The following CNTNAP4 variants were observed in gnomAD, a reference collection of about 807,000 sequenced individuals.
CNTNAP4 encodes the protein contactin associated protein family member 4, also known as contactin-associated protein-like 4.
Under a neutral mutation model 148.4 loss-of-function variants are expected in CNTNAP4, and 98 were observed. The observed-to-expected ratio is 0.66, with a 90% CI of 0.56 to 0.78. The LOEUF (loss-of-function observed/expected upper bound fraction) is 0.78. Among genes scored for constraint, CNTNAP4 ranks in the 30% least tolerant of loss-of-function variants. The pLI, the probability that CNTNAP4 is intolerant of heterozygous loss-of-function variation, is 0.00. For synonymous variants in CNTNAP4, 730 were observed against 565.1 expected, an observed-to-expected ratio of 1.29 and a Z score of -4.14; for missense variants, 1,935 against 1,565.6, an observed-to-expected ratio of 1.24 and a Z score of -3.98.
intron 3 of CNTNAP4, among the ~76,000 whole-genome samples, chr16:76,426,308 G>A (rs955936987): frequency 1.3e-5 from 2 of 152,158 alleles, no homozygotes; most frequent in Non-Finnish European, 2.9e-5. Flanking sequence ...GGGTATTGGT[G>A]TTTCTAATGT....
intron 8 of CNTNAP4, among the ~76,000 whole-genome samples, chr16:76,460,640 G>A (rs1288780389): frequency 6.8e-6 from 1 of 146,526 alleles, no homozygotes; most frequent in Non-Finnish European, 1.5e-5. Flanking sequence ...GCAAGCGCCT[G>A]TAGTCCCAGC....
At chr16:76,341,921 C>G (rs747582911) in intron 2 of CNTNAP4, among the ~76,000 whole-genome samples, 1 of 152,276 alleles carries the variant, frequency 6.6e-6, no homozygotes, top group East Asian at 1.9e-4. Context: ...CATGTCCTAT[C>G]GAGTCACAGA....
chr16:76,423,315 C>T (rs1219824855), intron 3 of CNTNAP4, among the ~76,000 whole-genome samples: 5 of 151,804 alleles, frequency 3.3e-5, no homozygotes, highest in Admixed American at 2.6e-4. Context: ...AAGAGTGAAA[C>T]AAAGATCCAA....
chr16:76,316,053 G>T, intron 1 of CNTNAP4: 1 of 338,076 alleles, frequency 3.0e-6, no homozygotes, highest in Non-Finnish European at 5.2e-6. Context: ...TCTCCATTTT[G>T]TGATTTTTCT....
intron 2 of CNTNAP4, among the ~76,000 whole-genome samples, chr16:76,341,687 G>T (rs995144004): frequency 2.0e-5 from 3 of 152,100 alleles, no homozygotes; most frequent in African/African-American, 7.2e-5. Context: ...TTGGGATATG[G>T]CTTTCAAAGG....
In CNTNAP4 at chr16:76,341,268, A is replaced by G. The variant is rs144257326; in HGVS notation, c.197-14050A>G. Among the ~76,000 whole-genome samples the G allele has an allele frequency of 1.1e-4, 16 of 152,292 alleles. No homozygotes were observed. The East Asian group carries it at 3.1e-3, about 29-fold the overall frequency. On this transcript the variant is annotated intron_variant, in intron 2 of 23. Coordinates refer to ENST00000611870, the MANE Select transcript of CNTNAP4 (RefSeq NM_033401.5). Reference sequence around the variant, plus strand: ...AAACCTGTCCTTCCACCTAGCACAAATGCATTTTTCTCAGACAAATACAAT... The same window carrying G: ...AAACCTGTCCTTCCACCTAGCACAAGTGCATTTTTCTCAGACAAATACAAT...
At chr16:76,341,919 A>G (rs1188696003) in intron 2 of CNTNAP4, among the ~76,000 whole-genome samples, 4 of 152,192 alleles carry the variant, frequency 2.6e-5, no homozygotes, top group South Asian at 2.1e-4. Context: ...GCCATGTCCT[A>G]TCGAGTCACA....
chr16:76,472,478 A>G (rs866380610), intron 10 of CNTNAP4, among the ~76,000 whole-genome samples: 1 of 151,990 alleles, frequency 6.6e-6, no homozygotes, highest in Non-Finnish European at 1.5e-5. Context: ...TCTTTTTAAA[A>G]CATGGTTTGA....
chr16:76,349,545 C>T (rs890178301), intron 2 of CNTNAP4, among the ~76,000 whole-genome samples: 1 of 152,072 alleles, frequency 6.6e-6, no homozygotes, highest in Non-Finnish European at 1.5e-5. Flanking sequence ...ATATTGGTAC[C>T]ACGTTCTTTC....
chr16:76,383,969 C>G (rs933336293), intron 3 of CNTNAP4, among the ~76,000 whole-genome samples: 3 of 152,060 alleles, frequency 2.0e-5, no homozygotes, highest in African/African-American at 7.2e-5. Flanking sequence ...GTTTTCTCCT[C>G]TTTAAATTTT....
At chr16:76,402,459 G>T (rs969451181) in intron 3 of CNTNAP4, among the ~76,000 whole-genome samples, 1 of 151,060 alleles carries the variant, frequency 6.6e-6, no homozygotes. Context: ...AATCTAGCTA[G>T]CAACCTATCT....
chr16:76,418,451 G>A (rs972297073), intron 3 of CNTNAP4, among the ~76,000 whole-genome samples: 29 of 148,852 alleles, frequency 1.9e-4, no homozygotes, highest in African/African-American at 6.4e-4. Context: ...ACAATCTTCT[G>A]ATCTTTTGTT....
In CNTNAP4 at chr16:76,298,481, C is replaced by CGT. The variant is rs1567616723; in HGVS notation, c.86-17932_86-17931insGT. Among the ~76,000 whole-genome samples, 77 of 134,926 alleles carry CGT rather than the reference C, an allele frequency of 5.7e-4. 2 individuals are homozygous for CGT. Among genetic ancestry groups the CGT allele is most frequent in the African/African-American group, 2.1e-3 (75 of 35,660 alleles). 88.5% of individuals were successfully genotyped at this position (134,926 alleles called of 152,430 possible). A position where few individuals can be genotyped will look rare whatever the true frequency, so the allele number is the denominator to read the frequency against. ...TTCATTGTGTGTGCACATGTGTGTA[C>CGT]ATGTATGTGTGTGTGTGTGTGTGTG... On this transcript the variant is annotated intron_variant, in intron 1 of 23. Coordinates refer to ENST00000611870, the MANE Select transcript of CNTNAP4 (RefSeq NM_033401.5).
chr16:76,475,437 C>T (rs1296177585), intron 10 of CNTNAP4, among the ~76,000 whole-genome samples: 1 of 152,156 alleles, frequency 6.6e-6, no homozygotes, highest in African/African-American at 2.4e-5. Flanking sequence ...TTCTGTTTTG[C>T]ACCTTAGAGC....
At chr16:76,325,113 G>T (rs1271904250) in intron 2 of CNTNAP4, among the ~76,000 whole-genome samples, 1 of 152,226 alleles carries the variant, frequency 6.6e-6, no homozygotes, top group East Asian at 1.9e-4. Context: ...AAATAACAGA[G>T]TTTTAAAAAT....
At chr16:76,471,782 G>A (rs770563949) in intron 10 of CNTNAP4, among the ~76,000 whole-genome samples, 16 of 152,160 alleles carry the variant, frequency 1.1e-4, no homozygotes, top group Non-Finnish European at 1.6e-4. Context: ...TTTTGGAGGC[G>A]AGGGCTAGGG....
chr16:76,556,092 G>T (rs1365452141), intron 23 of CNTNAP4, among the ~76,000 whole-genome samples: 1 of 151,984 alleles, frequency 6.6e-6, no homozygotes, highest in Non-Finnish European at 1.5e-5. Flanking sequence ...TTCCAAATTG[G>T]CTAATCCCCC....
chr16:76,499,831 C>G (rs2082556620), intron 15 of CNTNAP4, among the ~76,000 whole-genome samples: 1 of 151,954 alleles, frequency 6.6e-6, no homozygotes, highest in Admixed American at 6.6e-5. Flanking sequence ...ATCCATTTAA[C>G]CCTTAGTGGA....
chr16:76,355,578 C>T (rs2012493770), intron 3 of CNTNAP4, 67 bp downstream of exon 3: 2 of 1,176,080 alleles, frequency 1.7e-6, no homozygotes, highest in African/African-American at 3.2e-5. Flanking sequence ...ATCTTGTTTA[C>T]CAATCTCTTA....
Sources: gnomAD v4.1 joint callset for allele counts (sites outside exome capture counted in the v4.1 genomes callset) on GRCh38, gnomAD v4.1.1 for gene constraint, MANE v1.5 for transcripts, NCBI Gene and HGNC (gene_info 2026-07-23, HGNC 2026-07-21) for gene names.